CYP2C18: variants seen among roughly 807,000 people sequenced by gnomAD.
CYP2C18 encodes the protein cytochrome P450 family 2 subfamily C member 18.
In CYP2C18, 38 loss-of-function variants were observed where a neutral mutation model predicts 41.3. That is an observed-to-expected ratio of 0.92 (90% CI 0.71 to 1.21). The LOEUF (loss-of-function observed/expected upper bound fraction) is 1.21, where lower values mean the gene tolerates loss of function less well. Ranked by LOEUF, CYP2C18 falls within the 50% of genes most tolerant of loss-of-function variation. The pLI, the probability that CYP2C18 is intolerant of heterozygous loss-of-function variation, is 0.00. For synonymous variants in CYP2C18, 236 were observed against 210.0 expected (o/e 1.12, Z -1.07); for missense variants, 635 against 591.4 (o/e 1.07, Z -0.77).
At chr10:94,707,233 GCAT>G (rs937756704) in intron 5 of CYP2C18, among the ~76,000 whole-genome samples, 5 of 152,176 alleles carry the variant, frequency 3.3e-5, no homozygotes, top group African/African-American at 4.8e-5. Flanking sequence ...GCAAAATATA[GCAT>G]CATAAATTGA....
At chr10:94,710,422 CAG>C (rs1847415238) in intron 5 of CYP2C18, among the ~76,000 whole-genome samples, 3 of 152,284 alleles carry the variant, frequency 2.0e-5, no homozygotes, top group South Asian at 2.1e-4. Context: ...AAAAAGGTAA[CAG>C]ATATTTTGAT....
chr10:94,687,652 T>A, intron 1 of CYP2C18, 118 bp from the exon 2 acceptor site: 1 of 935,086 alleles, frequency 1.1e-6, no homozygotes, highest in Non-Finnish European at 1.6e-6. Context: ...TATTTGAAGC[T>A]GTATTTGACA....
intron 8 of CYP2C18, chr10:94,733,659 A>G (rs1847872273): frequency 1.1e-6 from 1 of 935,792 alleles, no homozygotes; most frequent in South Asian, 5.0e-5. Context: ...AAACTGAAAA[A>G]GCTAGAATGT....
intron 6 of CYP2C18, among the ~76,000 whole-genome samples, chr10:94,722,412 A>T (rs2134204444): frequency 1.3e-5 from 2 of 152,274 alleles, no homozygotes; most frequent in African/African-American, 4.8e-5. Context: ...CACTGAAGTG[A>T]TGATAAACAT....
chr10:94,691,863 A>G (rs1269057004), intron 3 of CYP2C18, among the ~76,000 whole-genome samples: 1 of 152,216 alleles, frequency 6.6e-6, no homozygotes, highest in Non-Finnish European at 1.5e-5. Flanking sequence ...CCTCAGAAGT[A>G]ATGCTGCATA....
intron 4 of CYP2C18, among the ~76,000 whole-genome samples, chr10:94,701,362 C>A (rs1006932557): frequency 6.6e-6 from 1 of 151,990 alleles, no homozygotes; most frequent in Non-Finnish European, 1.5e-5. Context: ...AGCAAACTAT[C>A]GCAAGGACAA....
chr10:94,701,476 G>C (rs1847244013), intron 4 of CYP2C18, among the ~76,000 whole-genome samples: 1 of 152,144 alleles, frequency 6.6e-6, no homozygotes, highest in Non-Finnish European at 1.5e-5. Flanking sequence ...TTGTGGGGCG[G>C]GGAAAGGGGG....
intron 5 of CYP2C18, among the ~76,000 whole-genome samples, chr10:94,719,872 C>A (rs542438040): frequency 2.0e-4 from 31 of 151,980 alleles, no homozygotes; most frequent in African/African-American, 7.2e-4. Context: ...CCATGCCTGG[C>A]CAAGTTTTTG....
At position 94,683,763 on chromosome 10, in the gene CYP2C18, T is replaced by C; in HGVS notation, c.-57T>C. The C allele has an allele frequency of 7.2e-7, 1 of 1,386,172 alleles. No individual in the cohort carries two copies. Among genetic ancestry groups the C allele is most frequent in the Non-Finnish European group, 9.8e-7 (1 of 1,025,524 alleles). The allele number at this position is 1,386,172 out of a possible 1,614,324, so 85.9% of individuals were successfully genotyped here. On this transcript the variant is annotated 5_prime_UTR_variant, in exon 1 of 9. Transcript: ENST00000285979. ...ATCACAGGTGGATTAGTAGGGAGTG[T>C]TATAAAAGCCTTGAAGTGAAAGCCC...
intron 4 of CYP2C18, among the ~76,000 whole-genome samples, chr10:94,700,100 C>T (rs1354404987): frequency 1.3e-5 from 2 of 152,194 alleles, no homozygotes; most frequent in African/African-American, 2.4e-5. Context: ...CTACCAATGA[C>T]TTTCTGCACA....
chr10:94,734,828 C>T (rs1192969545), intron 8 of CYP2C18, among the ~76,000 whole-genome samples: 2 of 152,104 alleles, frequency 1.3e-5, no homozygotes, highest in Non-Finnish European at 2.9e-5. Context: ...CATGTTTAGA[C>T]ATGTACTTTT....
At chr10:94,699,687 T>G (rs542454378) in intron 4 of CYP2C18, among the ~76,000 whole-genome samples, 15 of 152,238 alleles carry the variant, frequency 9.9e-5, no homozygotes, top group South Asian at 6.2e-4. Context: ...AAGTAAAATT[T>G]TCCCTGTTTG....
chr10:94,721,720 T>C (rs1847648479), intron 6 of CYP2C18, among the ~76,000 whole-genome samples: 2 of 152,160 alleles, frequency 1.3e-5, no homozygotes, highest in African/African-American at 2.4e-5. Context: ...TTTTTGACTT[T>C]CTATTTTGAG....
At chr10:94,684,281 G>T (rs1846843220) in intron 1 of CYP2C18, among the ~76,000 whole-genome samples, 1 of 152,034 alleles carries the variant, frequency 6.6e-6, no homozygotes, top group African/African-American at 2.4e-5. Flanking sequence ...CTGTCCAATA[G>T]AACACCCGAG....
intron 6 of CYP2C18, 44 bp downstream of exon 6, chr10:94,720,581 T>C: frequency 6.3e-7 from 1 of 1,577,192 alleles, no homozygotes; most frequent in Non-Finnish European, 8.7e-7. Context: ...TCAGAAAAGA[T>C]GTTGGGAAGA....
At chr10:94,713,543 G>T (rs1847483482) in intron 5 of CYP2C18, among the ~76,000 whole-genome samples, 2 of 152,126 alleles carry the variant, frequency 1.3e-5, no homozygotes, top group South Asian at 2.1e-4. Flanking sequence ...ATATTCCATG[G>T]TGTATATGTG....
intron 3 of CYP2C18, among the ~76,000 whole-genome samples, chr10:94,689,391 A>G (rs1303782596): frequency 1.3e-5 from 2 of 150,942 alleles, no homozygotes; most frequent in Non-Finnish European, 3.0e-5. Flanking sequence ...CATCTTGGGG[A>G]TTTTGTGGTC....
At chr10:94,708,869 A>G (rs558564203) in intron 5 of CYP2C18, among the ~76,000 whole-genome samples, 1 of 152,264 alleles carries the variant, frequency 6.6e-6, no homozygotes, top group African/African-American at 2.4e-5. Context: ...ACTTAGCACA[A>G]TGTTTTCAAG....
At chr10:94,698,521 G>C in intron 4 of CYP2C18, among the ~76,000 whole-genome samples, 1 of 152,180 alleles carries the variant, frequency 6.6e-6, no homozygotes, top group Non-Finnish European at 1.5e-5. Flanking sequence ...GCCCACAAGA[G>C]AAAGCAGGAA....
Sources: allele counts gnomAD v4.1 joint callset (sites outside exome capture counted in the v4.1 genomes callset), GRCh38; gene constraint gnomAD v4.1.1; transcripts MANE v1.5; gene names NCBI Gene and HGNC (gene_info 2026-07-23, HGNC 2026-07-21).